The following SOX6 variants were observed in gnomAD, a reference collection of about 807,000 sequenced individuals.
SOX6 encodes transcription factor SOX-6.
Under a neutral mutation model 97.8 loss-of-function variants are expected in SOX6, and 11 were observed. The ratio of observed to expected loss-of-function variants is 0.11; its 90% confidence interval spans 0.07 to 0.19. The LOEUF is 0.19. Ranked by LOEUF, SOX6 falls within the 10% of genes least tolerant of loss-of-function variation. The pLI is 1.00. For missense variants in SOX6, 810 were observed against 1,039.5 expected (o/e 0.78, Z 3.04); for synonymous variants, 360 against 371.4 (o/e 0.97, Z 0.35).
intron 3 of SOX6, among the ~76,000 whole-genome samples, chr11:16,660,223 T>C (rs73419079): frequency 0.023 from 3,457 of 152,256 alleles, 136 homozygotes; most frequent in African/African-American, 0.079. Context: ...TATTTAGAGC[T>C]TTCTTTTTTA....
chr11:16,369,995 T>C (rs528024748), intron 1 of SOX6, among the ~76,000 whole-genome samples: 2 of 152,038 alleles, frequency 1.3e-5, no homozygotes, highest in Admixed American at 6.6e-5. Context: ...GCCCTCCCAA[T>C]ACCAGCTGCC....
At chr11:16,078,131 A>C (rs1848398520) in intron 9 of SOX6, among the ~76,000 whole-genome samples, 2 of 152,230 alleles carry the variant, frequency 1.3e-5, no homozygotes, top group Non-Finnish European at 2.9e-5. Flanking sequence ...AGGGCAGTTG[A>C]AAATCAGCAT....
intron 15 of SOX6, among the ~76,000 whole-genome samples, chr11:15,983,483 A>C (rs1853734435): frequency 6.6e-6 from 1 of 152,170 alleles, no homozygotes; most frequent in African/African-American, 2.4e-5. Flanking sequence ...ATCAGCTATA[A>C]AAATTGATCT....
At chr11:16,580,767 C>T (rs1228683893) in intron 4 of SOX6, among the ~76,000 whole-genome samples, 1 of 151,946 alleles carries the variant, frequency 6.6e-6, no homozygotes, top group Non-Finnish European at 1.5e-5. Flanking sequence ...TAAAACAACC[C>T]CATCAAAAAG....
chr11:16,300,046 G>A lies in SOX6; in HGVS notation c.445+18400C>T, dbSNP rs911207719. On this transcript the variant is annotated intron_variant, in intron 3 of 15. Coordinates refer to ENST00000683767, the MANE Select transcript of SOX6 (RefSeq NM_001367873.1). This position sits in a 1 kb window ranked among gnomAD's most constrained non-coding sequence, Gnocchi z 4.1. ...GTTTACACTGGAGGCAGTTTTCCAC[G>A]AGCACTGCTCAGGGAGGAAGTGACA... Among the ~76,000 whole-genome samples the A allele has an allele frequency of 2.6e-5, 4 of 152,048 alleles. No individual in the cohort carries two copies. The highest frequency in any genetic ancestry group is 4.8e-5 in the African/African-American group (2 of 41,410).
chr11:16,411,702 T>G (rs1858823384), intron 1 of SOX6, among the ~76,000 whole-genome samples: 1 of 152,132 alleles, frequency 6.6e-6, no homozygotes, highest in Non-Finnish European at 1.5e-5. Context: ...ATTAAAAACA[T>G]TACTTCTTTA....
chr11:16,617,902 A>G (rs920839522), intron 3 of SOX6, among the ~76,000 whole-genome samples: 2 of 151,944 alleles, frequency 1.3e-5, no homozygotes, highest in Admixed American at 1.3e-4. Context: ...TTATTACATT[A>G]CTTAATTATT....
intron 9 of SOX6, among the ~76,000 whole-genome samples, chr11:16,067,949 C>T (rs915232659): frequency 6.6e-6 from 1 of 152,194 alleles, no homozygotes; most frequent in Non-Finnish European, 1.5e-5. Flanking sequence ...AAGACATTAT[C>T]TCTTACCCTT....
chr11:16,176,638 G>A (rs1415733904), intron 6 of SOX6, among the ~76,000 whole-genome samples: 1 of 151,854 alleles, frequency 6.6e-6, no homozygotes, highest in Non-Finnish European at 1.5e-5. Flanking sequence ...TATACCCACA[G>A]CTATAGTAGT....
intron 4 of SOX6, among the ~76,000 whole-genome samples, chr11:16,591,260 T>C (rs544330208): frequency 1.3e-5 from 2 of 151,950 alleles, no homozygotes; most frequent in African/African-American, 4.8e-5. Context: ...TTTCATGTGA[T>C]GACAAGAAGC....
At chr11:16,274,813 A>T (rs1854349715) in intron 3 of SOX6, among the ~76,000 whole-genome samples, 1 of 152,182 alleles carries the variant, frequency 6.6e-6, no homozygotes, top group South Asian at 2.1e-4. Context: ...AATCTCAACT[A>T]AGAGATTTCC....
chr11:16,201,641 T>C (rs1283362923), intron 4 of SOX6, among the ~76,000 whole-genome samples: 3 of 129,730 alleles, frequency 2.3e-5, no homozygotes, highest in East Asian at 1.0e-3. Context: ...TTTTTCTTTT[T>C]TTTTTTTTTT....
chr11:16,692,848 C>T (rs1462957612), intron 3 of SOX6, among the ~76,000 whole-genome samples: 2 of 152,042 alleles, frequency 1.3e-5, no homozygotes, highest in South Asian at 2.1e-4. Context: ...TGTTTATAAA[C>T]ACTATTTTAT....
intron 6 of SOX6, 22 bp from the exon 7 acceptor site, chr11:16,111,945 A>G (rs1168701519): frequency 2.5e-6 from 4 of 1,611,634 alleles, no homozygotes; most frequent in South Asian, 2.2e-5. Flanking sequence ...AAGAGAGCCT[A>G]TGATCAGACA....
intron 7 of SOX6, among the ~76,000 whole-genome samples, chr11:16,111,004 A>G (rs1266567387): frequency 6.6e-6 from 1 of 152,218 alleles, no homozygotes; most frequent in Admixed American, 6.5e-5. Context: ...CAAGGTCACT[A>G]CTTCTGAGCT....
At chr11:16,645,117 T>C (rs1028845775) in intron 3 of SOX6, among the ~76,000 whole-genome samples, 2 of 152,250 alleles carry the variant, frequency 1.3e-5, no homozygotes, top group African/African-American at 4.8e-5. Context: ...TCATTCGTCA[T>C]CCTTACAATC....
At position 16,046,481 on chromosome 11, in the gene SOX6, A is replaced by G. The variant is rs775860229; in HGVS notation, c.1623+33T>C. On this transcript the variant is annotated intron_variant, in intron 12 of 15. Transcript: ENST00000683767. ...CAGATGAGAGTGAGCCAATAAGTCT[A>G]GCAGATCCAGTGACACAAGGAAGCA... is the stretch of plus-strand genomic sequence containing the variant. 5 of 1,609,646 alleles carry G rather than the reference A, an allele frequency of 3.1e-6. No homozygotes were observed. The East Asian group carries it at 8.9e-5, about 29-fold the overall frequency.
At chr11:16,438,665 T>C (rs1424581954) in intron 1 of SOX6, among the ~76,000 whole-genome samples, 1 of 151,228 alleles carries the variant, frequency 6.6e-6, no homozygotes, top group Admixed American at 6.6e-5. Context: ...GATCTACCTA[T>C]CTCTGTCGTT....
chr11:16,035,075 A>T (rs1231968786), intron 12 of SOX6, among the ~76,000 whole-genome samples: 3 of 152,228 alleles, frequency 2.0e-5, no homozygotes, highest in African/African-American at 7.2e-5. Context: ...AGACATGAAC[A>T]TTCACAAAGT....
Sources: allele counts gnomAD v4.1 joint callset (sites outside exome capture counted in the v4.1 genomes callset), GRCh38; gene constraint gnomAD v4.1.1; non-coding constraint Gnocchi (gnomAD v3.1); transcripts MANE v1.5; gene names NCBI Gene and HGNC (gene_info 2026-07-23, HGNC 2026-07-21).